Variants in COMMD10 observed in about 807,000 individuals in gnomAD.
COMMD10 encodes the protein COMM domain-containing protein 10.
COMMD10 carries 33 observed loss-of-function variants against 28.9 expected under a neutral mutation model. The ratio of observed to expected loss-of-function variants is 1.14; its 90% confidence interval spans 0.87 to 1.53. The LOEUF (loss-of-function observed/expected upper bound fraction) is 1.53, where lower values mean the gene tolerates loss of function less well. Among genes scored for constraint, COMMD10 ranks in the 40% most tolerant of loss-of-function variants. The pLI is 0.00. For missense variants in COMMD10, 310 were observed against 233.4 expected, an observed-to-expected ratio of 1.33 and a Z score of -2.14; for synonymous variants, 110 against 81.7, an observed-to-expected ratio of 1.35 and a Z score of -1.87.
intron 4 of COMMD10, among the ~76,000 whole-genome samples, chr5:116,121,751 AT>A (rs1429008153): frequency 6.6e-6 from 1 of 152,088 alleles, no homozygotes; most frequent in Non-Finnish European, 1.5e-5. Context: ...GCATTTTTTC[AT>A]GTGTCTGTTG....
At chr5:116,141,278 G>A (rs1752188041) in intron 5 of COMMD10, among the ~76,000 whole-genome samples, 1 of 151,474 alleles carries the variant, frequency 6.6e-6, no homozygotes, top group South Asian at 2.1e-4. Flanking sequence ...TATTCCTTTT[G>A]TCTGTGTATC....
chr5:116,168,158 C>CAAA (rs56193014), intron 5 of COMMD10, among the ~76,000 whole-genome samples: 1 of 102,410 alleles, frequency 9.8e-6, no homozygotes, highest in African/African-American at 4.2e-5. Context: ...AAATGGAAAG[C>CAAA]AAAAAAAAAA....
intron 1 of COMMD10, among the ~76,000 whole-genome samples, chr5:116,086,176 A>G (rs1026726454): frequency 6.6e-6 from 1 of 152,196 alleles, no homozygotes; most frequent in Admixed American, 6.5e-5. Flanking sequence ...TTCTCCGCCT[A>G]TGCCATATGG....
Position 116,115,565 on chromosome 5 carries a change from T to C in COMMD10, c.400-18503T>C, listed in dbSNP as rs144573372. ...TCTGTGTTGACTGTTAGCAGTGTTC[T>C]TCTAACAGGGTTTTCTGTTTGATTT... On this transcript the variant is annotated intron_variant, in intron 4 of 6. Coordinates refer to ENST00000274458, the MANE Select transcript of COMMD10 (RefSeq NM_016144.4). Among the ~76,000 whole-genome samples, 37 of 152,360 alleles carry C rather than the reference T, an allele frequency of 2.4e-4. No homozygotes were observed. The East Asian group carries it at 7.2e-3, about 29-fold the overall frequency.
intron 5 of COMMD10, chr5:116,188,577 T>G (rs1047382597): frequency 6.7e-6 from 1 of 150,174 alleles, no homozygotes; most frequent in African/African-American, 2.5e-5. Context: ...TCTTTCTTCT[T>G]TCTTTCTTTC....
intron 5 of COMMD10, among the ~76,000 whole-genome samples, chr5:116,273,564 A>G (rs1750813979): frequency 6.6e-6 from 1 of 151,874 alleles, no homozygotes; most frequent in South Asian, 2.1e-4. Flanking sequence ...CACAAAACTC[A>G]TTAATATTAA....
chr5:116,113,626 T>C (rs1751133467), intron 4 of COMMD10, among the ~76,000 whole-genome samples: 1 of 152,088 alleles, frequency 6.6e-6, no homozygotes, highest in African/African-American at 2.4e-5. Flanking sequence ...GTGAATTTTT[T>C]AGTTCCAGGA....
At chr5:116,246,154 G>C (rs1456260000) in intron 5 of COMMD10, among the ~76,000 whole-genome samples, 1 of 151,914 alleles carries the variant, frequency 6.6e-6, no homozygotes, top group African/African-American at 2.4e-5. Context: ...TACAACATGA[G>C]TGTGCAAAAA....
At chr5:116,199,795 G>A (rs1748616102) in intron 5 of COMMD10, among the ~76,000 whole-genome samples, 1 of 152,038 alleles carries the variant, frequency 6.6e-6, no homozygotes, top group Admixed American at 6.6e-5. Flanking sequence ...GTCTCGCTAT[G>A]TTGCCCAGGT....
intron 5 of COMMD10, among the ~76,000 whole-genome samples, chr5:116,134,747 G>A (rs1162423961): frequency 2.0e-5 from 3 of 151,858 alleles, no homozygotes; most frequent in Non-Finnish European, 4.4e-5. Context: ...TCAGCCTCCC[G>A]AGTAGCTGGG....
chr5:116,155,492 C>T (rs901620569), intron 5 of COMMD10, among the ~76,000 whole-genome samples: 1 of 151,876 alleles, frequency 6.6e-6, no homozygotes, highest in Non-Finnish European at 1.5e-5. Flanking sequence ...AATATATATT[C>T]TATATTTGTT....
chr5:116,212,495 G>GGTGTGTGTGTGTGTGT, intron 5 of COMMD10, among the ~76,000 whole-genome samples: 1 of 2,728 alleles, frequency 3.7e-4, no homozygotes. Context: ...GTACTGAAAT[G>GGTGTGTGTGTGTGTGT]CTGTGTGTGT....
At position 116,165,591 on chromosome 5, in the gene COMMD10, GGTGTGTGTGTGTGTGGGTGTATCT is replaced by G. The variant is rs779978071; in HGVS notation, c.510+31424_510+31447del. ...TTGTCTTCACATGATCTTTCCTAAG[GGTGTGTGTGTGTGTGGGTGTATCT>G]GTGTGTGTGTTTGTGCGCACACACA... On this transcript the variant is annotated intron_variant, in intron 5 of 6. Transcript: ENST00000274458. 1.1e-3 allele frequency among the ~76,000 whole-genome samples: 160 copies of G among 151,040 alleles called. 3 individuals carry two copies. The highest frequency in any genetic ancestry group is 1.9e-3 in the Non-Finnish European group (130 of 67,674).
intron 5 of COMMD10, among the ~76,000 whole-genome samples, chr5:116,212,941 A>G (rs1487725338): frequency 6.6e-6 from 1 of 152,104 alleles, no homozygotes; most frequent in Non-Finnish European, 1.5e-5. Context: ...CTGGTGTGTA[A>G]CAGTGAATGC....
chr5:116,259,433 T>C (rs1204234034), intron 5 of COMMD10, among the ~76,000 whole-genome samples: 1 of 151,780 alleles, frequency 6.6e-6, no homozygotes, highest in Non-Finnish European at 1.5e-5. Flanking sequence ...ATTACAATTA[T>C]ATTTAACGTT....
chr5:116,091,041 A>G (rs961333003), intron 2 of COMMD10, 38 bp from the exon 3 acceptor site: 4 of 1,252,786 alleles, frequency 3.2e-6, no homozygotes, highest in Non-Finnish European at 4.6e-6. Flanking sequence ...GAATGCCTGA[A>G]TATGTGCTAA....
At chr5:116,129,513 TA>T (rs11297633) in intron 4 of COMMD10, among the ~76,000 whole-genome samples, 5 of 290 alleles carry the variant, frequency 0.017, 2 homozygotes, top group African/African-American at 0.016. Context: ...TACTATATAC[TA>T]ATGTAATATA....
rs552259602 is a variant in COMMD10 at position 116,147,596 on chromosome 5, G to T, written c.510+13418G>T. Among the ~76,000 whole-genome samples the T allele has an allele frequency of 2.6e-5, 4 of 151,934 alleles. No homozygotes were observed. In the South Asian group the frequency reaches 8.3e-4, roughly 32 times the overall value. ...TATGACATCAGTGAAACTGTATGTT[G>T]TGATTGTTGCGGCTGGTTAACCAAA... is the stretch of plus-strand genomic sequence containing the variant. On this transcript the variant is annotated intron_variant, in intron 5 of 6. Coordinates refer to ENST00000274458, the MANE Select transcript of COMMD10 (RefSeq NM_016144.4).
intron 4 of COMMD10, among the ~76,000 whole-genome samples, chr5:116,110,969 A>G (rs1161722779): frequency 1.3e-5 from 2 of 152,206 alleles, no homozygotes; most frequent in Non-Finnish European, 1.5e-5. Flanking sequence ...TTACATTTCA[A>G]TATGAGATTT....
Sources: gnomAD v4.1 joint callset for allele counts (sites outside exome capture counted in the v4.1 genomes callset) on GRCh38, gnomAD v4.1.1 for gene constraint, MANE v1.5 for transcripts, NCBI Gene and HGNC (gene_info 2026-07-23, HGNC 2026-07-21) for gene names.